WDR90: variants seen among roughly 807,000 people sequenced by gnomAD.
WDR90 encodes the protein WD repeat-containing protein 90.
Under a neutral mutation model 195.2 loss-of-function variants are expected in WDR90, and 238 were observed. The observed-to-expected ratio is 1.22, with a 90% confidence interval of 1.10 to 1.36. WDR90 has a LOEUF of 1.36. Among genes scored for constraint, WDR90 ranks in the 40% most tolerant of loss-of-function variants. The pLI, the probability that WDR90 is intolerant of heterozygous loss-of-function variation, is 0.00. For missense variants in WDR90, 2,734 were observed against 2,439.5 expected, an observed-to-expected ratio of 1.12 and a Z score of -2.54; for synonymous variants, 1,265 against 1,052.4, an observed-to-expected ratio of 1.20 and a Z score of -3.91.
In WDR90 at chr16:656,745, C is replaced by G. The variant is rs1458348422; in HGVS notation, c.2216C>G (p.Thr739Arg). The change falls in exon 19 of 41, where the codon ACA becomes AGA. Residue 739 changes from threonine (T) to arginine (R), a missense_variant. Coordinates refer to ENST00000293879, the MANE Select transcript of WDR90 (RefSeq NM_145294.5). ...LATLQQLYDF[T>R]SSEDAPCAVT... is the part of the protein sequence containing the mutation. ...CCTGTCCCACAGCTATACGACTTCA[C>G]ATCATCAGAGGACGCCCCGTGCGCT... 6.2e-7 allele frequency: 1 copy of G among 1,613,068 alleles called. No homozygotes were observed. Among genetic ancestry groups the G allele is most frequent in the Non-Finnish European group, 8.5e-7 (1 of 1,179,882 alleles).
intron 9 of WDR90, 101 bp from the exon 10 acceptor site, chr16:652,366 G>C (rs530435409): frequency 6.5e-6 from 9 of 1,379,868 alleles, no homozygotes; most frequent in Non-Finnish European, 4.9e-6. Flanking sequence ...GTCTTCTTGA[G>C]AGGCAGGACC....
At position 665,883 on chromosome 16, in the gene WDR90, C is replaced by T; in HGVS notation, c.4435-67C>T. 6 of 1,555,186 alleles carry T rather than the reference C, an allele frequency of 3.9e-6. No homozygotes were observed. In the South Asian group the frequency reaches 7.2e-5, roughly 19 times the overall value. On this transcript the variant is annotated intron_variant, in intron 35 of 40. Transcript: ENST00000293879. ...TGGCATGGGCGGGGCCGCCTCCTCC[C>T]TCTGGCCTGGGTGTGTGTCCTCAGG...
At chr16:652,570 C>T (rs763973323) in intron 10 of WDR90, 35 bp downstream of exon 10, 14 of 1,570,682 alleles carry the variant, frequency 8.9e-6, no homozygotes, top group East Asian at 6.9e-5. Flanking sequence ...GAGCAGCTCT[C>T]GTTGGCCGGC....
rs59617542 is a variant in WDR90 at position 657,652 on chromosome 16, G to A, written c.2474-110G>A. 4,580 of 1,379,646 alleles carry A rather than the reference G, an allele frequency of 3.3e-3. 130 individuals are homozygous for A. The African/African-American group carries it at 0.058, about 18-fold the overall frequency. The allele number at this position is 1,379,646 out of a possible 1,614,324, so 85.5% of individuals were successfully genotyped here. A position where few individuals can be genotyped will look rare whatever the true frequency, so the allele number is the denominator to read the frequency against. On this transcript the variant is annotated intron_variant, in intron 20 of 40. Transcript: ENST00000293879. ...TGCCGGTGTGATGCGTCTGTGCTCC[G>A]GGGCTGGTGTTTCCCGAAAGTGGGG...
In WDR90 at chr16:658,297, A is replaced by G. The variant is rs747185463; in HGVS notation, c.2719A>G (p.Asn907Asp). ...CCACCTGCTGGTGTCCACCTCGTCC[A>G]ACAGAGTCGTGGTGCTGGATGCTGT... ...LGHLLVSTSS[N>D]RVVVLDAVSG... Residue 907 changes from asparagine to aspartate, a missense_variant, in exon 22 of 41, where the codon AAC becomes GAC. Physicochemically the swap from Asn to Asp is conservative, Grantham distance 23 (BLOSUM62 1). Coordinates refer to ENST00000293879, the MANE Select transcript of WDR90 (RefSeq NM_145294.5). 5.6e-6 allele frequency: 9 copies of G among 1,612,606 alleles called. No individual in the cohort carries two copies. The highest frequency in any genetic ancestry group is 5.5e-5 in the South Asian group (5 of 91,084).
chr16:655,224 CT>C (rs2037725365), intron 14 of WDR90, 77 bp downstream of exon 14: 1 of 1,612,086 alleles, frequency 6.2e-7, no homozygotes, highest in African/African-American at 1.3e-5. Flanking sequence ...GCACCTCCCC[CT>C]GGCTTGGCTG....
intron 28 of WDR90, 143 bp downstream of exon 28, chr16:660,857 G>GCGCTCCAGC: frequency 3.0e-6 from 3 of 1,016,770 alleles, no homozygotes; most frequent in South Asian, 1.8e-5. Flanking sequence ...GCGCCTCCTG[G>GCGCTCCAGC]CGCTCCAGCC....
intron 14 of WDR90, 23 bp from the exon 15 acceptor site, chr16:655,284 T>C (rs764751651): frequency 1.1e-5 from 18 of 1,608,914 alleles, no homozygotes; most frequent in Non-Finnish European, 1.5e-5. Flanking sequence ...GCTGCGGCAG[T>C]GCTCAGTCCT....
Position 658,224 on chromosome 16 carries a change from C to A in WDR90, c.2646C>A (p.Ser882Arg), listed in dbSNP as rs879219981. Reference sequence around the variant, plus strand: ...TCGGCACTCTGGACCTGGCCAGCAGCCGCCTGGACTCAGCCATGGCTGTGT... The same window carrying A: ...TCGGCACTCTGGACCTGGCCAGCAGACGCCTGGACTCAGCCATGGCTGTGT... ...VDIGTLDLAS[S>R]RLDSAMAVCF... Residue 882 changes from serine to arginine, a missense_variant, in exon 22 of 41, where the codon AGC (serine) becomes AGA (arginine). Transcript: ENST00000293879. 2.5e-6 allele frequency: 4 copies of A among 1,612,288 alleles called. No homozygotes were observed. The South Asian group carries it at 4.4e-5, about 18-fold the overall frequency.
At chr16:664,615 C>T (rs2037985573) in intron 34 of WDR90, among the ~76,000 whole-genome samples, 1 of 152,262 alleles carries the variant, frequency 6.6e-6, no homozygotes, top group East Asian at 1.9e-4. Flanking sequence ...GCCCAGGGCC[C>T]TCCCGGGGAG....
chr16:658,106 C>A, intron 21 of WDR90, 77 bp from the exon 22 acceptor site: 7 of 1,540,446 alleles, frequency 4.5e-6, no homozygotes, highest in Non-Finnish European at 4.4e-6. Context: ...CCCGGGACCT[C>A]CCTCCCGAGC....
At chr16:661,010 C>CCCACCG in intron 28 of WDR90, 41 bp from the exon 29 acceptor site, 1 of 126,782 alleles carries the variant, frequency 7.9e-6, no homozygotes, top group Admixed American at 2.0e-4. Context: ...GCCCCCCCCC[C>CCCACCG]CCCCCGGCCC....
In WDR90 at chr16:661,485, GCTT is replaced by G; in HGVS notation, c.3661_3663del (p.Leu1221del). ...CCCTGGCCTTCTCACCAGATGACAG[GCTT>G]CTTGTCACACTGGGTCAGTGGGAGG... On this transcript the variant is annotated inframe_deletion, in exon 30 of 41. Coordinates refer to ENST00000293879, the MANE Select transcript of WDR90 (RefSeq NM_145294.5). The G allele has an allele frequency of 1.2e-6, 2 of 1,606,742 alleles. No homozygotes were observed. The highest frequency in any genetic ancestry group is 1.3e-5 in the African/African-American group (1 of 74,962).
At chr16:663,151 C>T (rs983437337) in intron 34 of WDR90, 1 of 471,932 alleles carries the variant, frequency 2.1e-6, no homozygotes, top group African/African-American at 2.0e-5. Context: ...AAAGAAATCA[C>T]ATCAGTCCGG....
intron 28 of WDR90, 80 bp from the exon 29 acceptor site, chr16:660,971 C>CCCT: frequency 4.7e-6 from 2 of 426,480 alleles, no homozygotes; most frequent in Non-Finnish European, 3.5e-6. Flanking sequence ...GCCCCGCCCC[C>CCCT]TGTTCGGCCC....
chr16:665,886 T>C, intron 35 of WDR90, 64 bp from the exon 36 acceptor site: 2 of 1,554,304 alleles, frequency 1.3e-6, no homozygotes, highest in Non-Finnish European at 1.7e-6. Flanking sequence ...CTCCTCCCTC[T>C]GGCCTGGGTG....
intron 34 of WDR90, among the ~76,000 whole-genome samples, chr16:664,836 C>T (rs966426312): frequency 5.9e-5 from 9 of 152,134 alleles, no homozygotes; most frequent in African/African-American, 1.4e-4. Flanking sequence ...CCCGCCACCA[C>T]GCCCGACTAA....
chr16:654,478 T>G (rs1275478982), intron 13 of WDR90: 1 of 155,256 alleles, frequency 6.4e-6, no homozygotes, highest in African/African-American at 2.4e-5. Flanking sequence ...CCTCCCAGGT[T>G]CACACCATTC....
chr16:649,947 C>G, intron 2 of WDR90, 44 bp from the exon 3 acceptor site: 1 of 1,608,268 alleles, frequency 6.2e-7, no homozygotes, highest in East Asian at 2.2e-5. Context: ...CCCCGCTGCA[C>G]TTCTTCTGGG....
Sources: gnomAD v4.1 joint callset for allele counts (sites outside exome capture counted in the v4.1 genomes callset) on GRCh38, gnomAD v4.1.1 for gene constraint, MANE v1.5 for transcripts, NCBI Gene and HGNC (gene_info 2026-07-23, HGNC 2026-07-21) for gene names.